Variants in INPP4B observed in about 807,000 individuals in gnomAD.
INPP4B encodes the protein inositol polyphosphate-4-phosphatase type II B, also known as inositol polyphosphate 4-phosphatase type II.
In INPP4B, 55 loss-of-function variants were observed where a neutral mutation model predicts 122.5. That is an observed-to-expected ratio of 0.45 (90% CI 0.36 to 0.56). INPP4B has a LOEUF of 0.56. INPP4B is among the 20% of genes least tolerant of loss of function. INPP4B has a pLI of 0.00. For synonymous variants in INPP4B, 403 were observed against 388.7 expected (o/e 1.04, Z -0.43); for missense variants, 1,000 against 1,097.7 (o/e 0.91, Z 1.26).
At chr4:142,155,707 G>A (rs1816813940) in intron 17 of INPP4B, among the ~76,000 whole-genome samples, 1 of 151,946 alleles carries the variant, frequency 6.6e-6, no homozygotes, top group African/African-American at 2.4e-5. Context: ...TCTGCTGTAG[G>A]CATCATTAGA....
At chr4:142,097,879 A>C (rs187719917) in intron 23 of INPP4B, among the ~76,000 whole-genome samples, 1 of 152,258 alleles carries the variant, frequency 6.6e-6, no homozygotes, top group East Asian at 1.9e-4. Context: ...CTCAACTTAT[A>C]CCATGCATTC....
chr4:142,186,241 A>G (rs1322983732), intron 15 of INPP4B, among the ~76,000 whole-genome samples: 2 of 152,242 alleles, frequency 1.3e-5, no homozygotes, highest in Non-Finnish European at 2.9e-5. Flanking sequence ...TGCCAGGCAC[A>G]GTTATAAATG....
At chr4:142,554,770 T>C (rs1249303217) in intron 2 of INPP4B, among the ~76,000 whole-genome samples, 2 of 152,232 alleles carry the variant, frequency 1.3e-5, no homozygotes, top group Non-Finnish European at 2.9e-5. Context: ...TTGTTAGAAC[T>C]TTTCTTTCAA....
intron 25 of INPP4B, among the ~76,000 whole-genome samples, chr4:142,065,925 C>G (rs1763292921): frequency 6.6e-6 from 1 of 152,100 alleles, no homozygotes. Flanking sequence ...GTGCACTGCC[C>G]TCCAGGAACC....
chr4:142,761,148 C>T (rs908056033), intron 1 of INPP4B, among the ~76,000 whole-genome samples: 3 of 150,488 alleles, frequency 2.0e-5, no homozygotes, highest in African/African-American at 7.3e-5. Context: ...GCTTATATAA[C>T]TACATTGTCA....
chr4:142,331,275 G>A (rs746568295), intron 7 of INPP4B, among the ~76,000 whole-genome samples: 3 of 152,102 alleles, frequency 2.0e-5, no homozygotes, highest in South Asian at 2.1e-4. Context: ...GCTTGAGATC[G>A]CTGACCACAG....
intron 2 of INPP4B, among the ~76,000 whole-genome samples, chr4:142,573,387 AC>A (rs1733233616): frequency 6.6e-6 from 1 of 152,168 alleles, no homozygotes. Flanking sequence ...AGGACCCACA[AC>A]CATTTAGGTC....
intron 2 of INPP4B, among the ~76,000 whole-genome samples, chr4:142,540,425 G>A (rs144499817): frequency 6.6e-6 from 1 of 151,944 alleles, no homozygotes; most frequent in East Asian, 1.9e-4. Context: ...TATCACATCT[G>A]AAGATTCTGT....
At chr4:142,176,039 C>T (rs1290920605) in intron 15 of INPP4B, among the ~76,000 whole-genome samples, 3 of 151,682 alleles carry the variant, frequency 2.0e-5, no homozygotes, top group Non-Finnish European at 4.4e-5. Context: ...ACAGGCTCCC[C>T]GTGGCTTAGC....
chr4:142,748,489 G>A (rs573462420), intron 1 of INPP4B, among the ~76,000 whole-genome samples: 50 of 151,616 alleles, frequency 3.3e-4, no homozygotes, highest in Admixed American at 3.3e-4. Context: ...TCCCAGCAAA[G>A]TAATCAGAAA....
chr4:142,770,153 G>C (rs1295063903), intron 1 of INPP4B, among the ~76,000 whole-genome samples: 1 of 152,114 alleles, frequency 6.6e-6, no homozygotes, highest in African/African-American at 2.4e-5. Context: ...GCAGAATACT[G>C]ATAACAGTTG....
intron 1 of INPP4B, among the ~76,000 whole-genome samples, chr4:142,804,020 C>T (rs112854762): frequency 0.23 from 34,895 of 151,238 alleles, 4,326 homozygotes; most frequent in South Asian, 0.34. Context: ...GATTGCTCCA[C>T]TGCACTCCAT....
chr4:142,806,786 GGAAAGAAA>G (rs60845921), intron 1 of INPP4B, among the ~76,000 whole-genome samples: 1,733 of 75,888 alleles, frequency 0.023, 35 homozygotes, highest in South Asian at 0.024. Context: ...AAAGAAAGAA[GGAAAGAAA>G]GAAAGAAAGA....
chr4:142,204,183 T>A (rs1317117036), intron 14 of INPP4B, among the ~76,000 whole-genome samples: 4 of 152,128 alleles, frequency 2.6e-5, no homozygotes, highest in African/African-American at 9.7e-5. Flanking sequence ...TATTATAACA[T>A]GTAGTTGGTG....
chr4:142,114,208 T>C (rs1297233483), intron 21 of INPP4B, among the ~76,000 whole-genome samples: 2 of 152,082 alleles, frequency 1.3e-5, no homozygotes, highest in Non-Finnish European at 2.9e-5. Flanking sequence ...AACACGTTTA[T>C]CAGTTGATAG....
At chr4:142,193,355 T>C (rs750131736) in intron 14 of INPP4B, among the ~76,000 whole-genome samples, 160 bp from the exon 15 acceptor site, 8 of 152,162 alleles carry the variant, frequency 5.3e-5, no homozygotes, top group Non-Finnish European at 1.0e-4. Context: ...AAAGAGGAGC[T>C]AATAATCAAT....
chr4:142,152,052 CTTT>C (rs1436284284), intron 17 of INPP4B, among the ~76,000 whole-genome samples: 1 of 135,122 alleles, frequency 7.4e-6, no homozygotes, highest in Non-Finnish European at 1.5e-5. Flanking sequence ...GCCTAACATG[CTTT>C]TTTGTCTTTT....
intron 1 of INPP4B, among the ~76,000 whole-genome samples, chr4:142,808,350 C>T (rs1483775075): frequency 3.3e-5 from 5 of 152,014 alleles, no homozygotes; most frequent in South Asian, 2.1e-4. Flanking sequence ...AATTGAAAGC[C>T]GGATGAAGAT....
intron 1 of INPP4B, among the ~76,000 whole-genome samples, chr4:142,801,765 T>C (rs191536970): frequency 5.9e-5 from 9 of 152,270 alleles, no homozygotes; most frequent in African/African-American, 2.2e-4. Context: ...AGATTTTTAG[T>C]TTCAGTATTT....
Sources: allele counts gnomAD v4.1 joint callset (sites outside exome capture counted in the v4.1 genomes callset), GRCh38; gene constraint gnomAD v4.1.1; transcripts MANE v1.5; gene names NCBI Gene and HGNC (gene_info 2026-07-23, HGNC 2026-07-21).